NUMB: variants seen among roughly 807,000 people sequenced by gnomAD.
NUMB encodes NUMB endocytic adaptor protein.
A neutral mutation model predicts 59.7 loss-of-function variants in NUMB; 29 were observed. That is an observed-to-expected ratio of 0.49 (90% confidence interval 0.36 to 0.66). NUMB has a LOEUF of 0.66. Among genes scored for constraint, NUMB ranks in the 30% least tolerant of loss-of-function variants. The pLI is 0.00. For synonymous variants in NUMB, 288 were observed against 288.2 expected (o/e 1.00, Z 0.01); for missense variants, 723 against 822.0 (o/e 0.88, Z 1.47).
chr14:73,381,247 A>G (rs1386406778), intron 2 of NUMB, among the ~76,000 whole-genome samples: 1 of 152,130 alleles, frequency 6.6e-6, no homozygotes, highest in African/African-American at 2.4e-5. Flanking sequence ...GGTACCTAAT[A>G]TATTTCTATA....
At chr14:73,448,394 G>A (rs61987081) in intron 1 of NUMB, among the ~76,000 whole-genome samples, 23,773 of 151,466 alleles carry the variant, frequency 0.16, 2,689 homozygotes, top group Non-Finnish European at 0.23. Flanking sequence ...GTCTTGCTAC[G>A]TTGCCCAGGC....
At chr14:73,429,918 C>T (rs905581013) in intron 1 of NUMB, among the ~76,000 whole-genome samples, 1 of 151,394 alleles carries the variant, frequency 6.6e-6, no homozygotes, top group African/African-American at 2.4e-5. Context: ...GCACTCCAGC[C>T]TGGGCCATAA....
intron 1 of NUMB, among the ~76,000 whole-genome samples, chr14:73,433,846 T>C (rs560487181): frequency 3.3e-5 from 5 of 152,112 alleles, no homozygotes; most frequent in African/African-American, 1.2e-4. Context: ...TCCCAGCACT[T>C]TGGGAGGCCG....
At chr14:73,418,589 T>G (rs993849618) in intron 1 of NUMB, among the ~76,000 whole-genome samples, 1 of 151,812 alleles carries the variant, frequency 6.6e-6, no homozygotes, top group East Asian at 1.9e-4. Context: ...CTGACCAACA[T>G]GGAGAAACCC....
chr14:73,431,258 C>CT (rs546689222), intron 1 of NUMB, among the ~76,000 whole-genome samples: 15,717 of 127,300 alleles, frequency 0.12, 2,381 homozygotes, highest in African/African-American at 0.36. Context: ...CTTGGCTTTT[C>CT]TTTTTTTTTT....
rs563271463 is a variant in NUMB at position 73,449,264 on chromosome 14, T to A, written c.-233+9229A>T. 3.9e-5 allele frequency among the ~76,000 whole-genome samples: 6 copies of A among 152,254 alleles called. No homozygotes were observed. In the East Asian group the frequency reaches 1.2e-3, roughly 29 times the overall value. On this transcript the variant is annotated intron_variant, in intron 1 of 12. Transcript: ENST00000555238. ...TATATGTAAATACTACACCATCTTATATAAGTGACCTGTGCATCTATGGAT... is the reference window on the plus strand; with the variant it reads ...TATATGTAAATACTACACCATCTTAAATAAGTGACCTGTGCATCTATGGAT...
rs761282441 is a variant in NUMB at position 73,284,250 on chromosome 14, G to A, written c.780C>T (p.Ala260=). The A allele has an allele frequency of 9.3e-6, 15 of 1,614,032 alleles. No individual in the cohort carries two copies. In the African/African-American group the frequency reaches 1.7e-4, roughly 19 times the overall value. ...CAATTGGAGCATGCCGGCGTGGGAT[G>A]GCATGAGGATTGTTCATCTCCAGAG... is the stretch of plus-strand genomic sequence containing the variant. ...TTSLEMNNPH[A]IPRRHAPIEQ... is the part of the protein sequence containing the mutation. The change falls in exon 10 of 13, where the codon GCC becomes GCT. Residue 260 remains alanine, a synonymous_variant. Coordinates refer to ENST00000555238, the MANE Select transcript of NUMB (RefSeq NM_001005743.2).
At chr14:73,389,285 A>AC (rs950477319) in intron 2 of NUMB, among the ~76,000 whole-genome samples, 4 of 94,854 alleles carry the variant, frequency 4.2e-5, no homozygotes, top group African/African-American at 2.8e-4. Flanking sequence ...AAAAAAAAAA[A>AC]AAAAAAAACA....
chr14:73,295,774 C>T (rs1735119), intron 7 of NUMB, among the ~76,000 whole-genome samples: 121,647 of 152,014 alleles, frequency 0.8, 49,230 homozygotes, highest in African/African-American at 0.92. Flanking sequence ...TTTTAATTAA[C>T]AATTAAATGT....
Position 73,277,062 on chromosome 14 carries a change from T to A in NUMB, c.1472A>T (p.Gln491Leu). 1.9e-6 allele frequency: 3 copies of A among 1,614,094 alleles called. No individual in the cohort carries two copies. The East Asian group carries it at 6.7e-5, about 36-fold the overall frequency. The change falls in exon 13 of 13, where the codon CAG becomes CTG. Residue 491 changes from glutamine to leucine, a missense_variant. By Grantham distance (113) the Gln-to-Leu change is moderately radical. This residue lies in a region of NUMB where 406 missense variants were observed against 385.4 expected (regional missense o/e 1.05). Coordinates refer to ENST00000555238, the MANE Select transcript of NUMB (RefSeq NM_001005743.2). ...PFQGNAFLTS[Q>L]PVPVGVVPAL... ...TGGGACCACACCCACTGGCACAGGC[T>A]GAGAGGTGAGGAATGCATTCCCTTG...
chr14:73,411,052 G>A (rs948987870), intron 1 of NUMB, among the ~76,000 whole-genome samples: 4 of 152,198 alleles, frequency 2.6e-5, no homozygotes, highest in African/African-American at 9.6e-5. Context: ...GTATTTTGGA[G>A]ACTGGGTCTC....
intron 2 of NUMB, among the ~76,000 whole-genome samples, chr14:73,388,329 C>T (rs1306069474): frequency 1.3e-5 from 2 of 152,114 alleles, no homozygotes; most frequent in Non-Finnish European, 2.9e-5. Context: ...ATAGAAGAAA[C>T]CTTATCACTA....
chr14:73,340,221 C>T (rs1325015717), intron 4 of NUMB, among the ~76,000 whole-genome samples: 4 of 152,310 alleles, frequency 2.6e-5, no homozygotes, highest in Admixed American at 2.6e-4. Context: ...AGCTTTCCAA[C>T]CTTGAGAATA....
At chr14:73,404,999 C>G (rs1896592477) in intron 2 of NUMB, among the ~76,000 whole-genome samples, 1 of 152,012 alleles carries the variant, frequency 6.6e-6, no homozygotes, top group South Asian at 2.1e-4. Context: ...GACCTTGTGA[C>G]CTGCCCGCCT....
chr14:73,287,073 T>G, intron 9 of NUMB, 37 bp downstream of exon 9: 1 of 1,589,724 alleles, frequency 6.3e-7, no homozygotes, highest in East Asian at 2.2e-5. Context: ...TGGGAAAAAC[T>G]GCATTCCATA....
At chr14:73,308,699 T>C (rs1240481712) in intron 6 of NUMB, among the ~76,000 whole-genome samples, 1 of 152,184 alleles carries the variant, frequency 6.6e-6, no homozygotes, top group East Asian at 1.9e-4. Flanking sequence ...ATAAATGATA[T>C]TTAAAGCCAT....
At chr14:73,286,790 T>A (rs1889036273) in intron 9 of NUMB, 1 of 338,390 alleles carries the variant, frequency 3.0e-6, no homozygotes, top group African/African-American at 2.1e-5. Flanking sequence ...TTGATTCATT[T>A]GCTTCTCAAA....
intron 2 of NUMB, among the ~76,000 whole-genome samples, chr14:73,372,296 A>T (rs1415745876): frequency 2.4e-5 from 2 of 83,146 alleles, no homozygotes; most frequent in Non-Finnish European, 4.3e-5. Flanking sequence ...GAATATATAT[A>T]TATTTCTTTT....
chr14:73,293,095 A>G (rs1889502468), intron 7 of NUMB, among the ~76,000 whole-genome samples: 1 of 152,210 alleles, frequency 6.6e-6, no homozygotes, highest in Non-Finnish European at 1.5e-5. Flanking sequence ...CATGTTCTAA[A>G]GCATATGCTT....
Sources: allele counts gnomAD v4.1 joint callset (sites outside exome capture counted in the v4.1 genomes callset), GRCh38; gene constraint gnomAD v4.1.1; regional missense constraint gnomAD v4.1.1; transcripts MANE v1.5; gene names NCBI Gene and HGNC (gene_info 2026-07-23, HGNC 2026-07-21).